MGMT: variants seen among roughly 807,000 people sequenced by gnomAD.
The protein encoded by MGMT is O-6-methylguanine-DNA methyltransferase, also known as methylated-DNA--protein-cysteine methyltransferase.
MGMT carries 14 observed loss-of-function variants against 15.9 expected under a neutral mutation model. The observed-to-expected ratio is 0.88, with a 90% CI of 0.58 to 1.37. The LOEUF is 1.37. Among genes scored for constraint, MGMT ranks in the 40% most tolerant of loss-of-function variants. MGMT has a pLI of 0.00. For missense variants in MGMT, 282 were observed against 268.1 expected (o/e 1.05, Z -0.36); for synonymous variants, 130 against 118.2 (o/e 1.10, Z -0.65).
intron 2 of MGMT, among the ~76,000 whole-genome samples, chr10:129,539,960 G>A (rs1846026593): frequency 6.6e-6 from 1 of 152,074 alleles, no homozygotes; most frequent in Admixed American, 6.5e-5. Flanking sequence ...ATTTCGACTG[G>A]GAGTTCATTG....
At chr10:129,706,230 G>A (rs527870200) in intron 2 of MGMT, among the ~76,000 whole-genome samples, 2 of 152,302 alleles carry the variant, frequency 1.3e-5, no homozygotes, top group African/African-American at 2.4e-5. Context: ...TCTGTCCTAC[G>A]TCCGGGATGG....
At chr10:129,487,316 A>G (rs1005707602) in intron 1 of MGMT, among the ~76,000 whole-genome samples, 7 of 152,102 alleles carry the variant, frequency 4.6e-5, no homozygotes, top group African/African-American at 1.4e-4. Context: ...GATTATCTGT[A>G]AAGGCCAAAC....
intron 3 of MGMT, among the ~76,000 whole-genome samples, chr10:129,727,729 A>G (rs1248791387): frequency 6.6e-6 from 1 of 152,162 alleles, no homozygotes; most frequent in South Asian, 2.1e-4. Flanking sequence ...GACTCGCAGC[A>G]TCCCCCAAGA....
rs1845950551 is a variant in MGMT at position 129,533,127 on chromosome 10, C to T, written c.-12-3114C>T. Among the ~76,000 whole-genome samples the T allele has an allele frequency of 6.6e-6, 1 of 152,246 alleles. No individual in the cohort carries two copies. The highest frequency in any genetic ancestry group is 2.4e-5 in the African/African-American group (1 of 41,464). On this transcript the variant is annotated intron_variant, in intron 1 of 4. Coordinates refer to ENST00000651593, the MANE Select transcript of MGMT (RefSeq NM_002412.5). This position sits in a 1 kb window ranked among gnomAD's most constrained non-coding sequence, Gnocchi z 4.5. ...GCAATGGTGGCAACAGTGCCAGCTG[C>T]CCTGCCTGCTGTGCCTGGTTGCCCC...
At chr10:129,648,970 G>A (rs1049235472) in intron 2 of MGMT, among the ~76,000 whole-genome samples, 3 of 152,068 alleles carry the variant, frequency 2.0e-5, no homozygotes, top group Non-Finnish European at 4.4e-5. Context: ...TGAGTACAAT[G>A]GAAAATGGCA....
chr10:129,515,137 A>G (rs959375872), intron 1 of MGMT, among the ~76,000 whole-genome samples: 1 of 149,974 alleles, frequency 6.7e-6, no homozygotes, highest in East Asian at 2.0e-4. Flanking sequence ...GGATTGAGAG[A>G]CGTGTGCTGA....
At chr10:129,573,591 CTATT>C (rs1564856665) in intron 2 of MGMT, among the ~76,000 whole-genome samples, 1 of 151,794 alleles carries the variant, frequency 6.6e-6, no homozygotes, top group African/African-American at 2.4e-5. Context: ...ATTTTCATCT[CTATT>C]TATTTATTTG....
intron 2 of MGMT, among the ~76,000 whole-genome samples, chr10:129,554,867 G>A (rs1041231355): frequency 1.3e-5 from 2 of 152,080 alleles, no homozygotes; most frequent in African/African-American, 2.4e-5. Flanking sequence ...TGGTGTGAAC[G>A]CTGTCTCCGG....
intron 2 of MGMT, among the ~76,000 whole-genome samples, chr10:129,573,101 C>A (rs1312144900): frequency 6.6e-6 from 1 of 151,968 alleles, no homozygotes; most frequent in Non-Finnish European, 1.5e-5. Flanking sequence ...GAACATTTTT[C>A]CTTATTTTCA....
intron 3 of MGMT, among the ~76,000 whole-genome samples, chr10:129,751,159 T>A (rs117568335): frequency 0.017 from 2,533 of 152,162 alleles, 36 homozygotes; most frequent in Non-Finnish European, 0.027. Context: ...GGTAAAACCA[T>A]CTTGGCCCTA....
At chr10:129,558,755 A>G (rs769084862) in intron 2 of MGMT, among the ~76,000 whole-genome samples, 3 of 152,290 alleles carry the variant, frequency 2.0e-5, no homozygotes, top group Non-Finnish European at 4.4e-5. Flanking sequence ...CACTTTTATC[A>G]TCTTCATTTT....
At chr10:129,706,433 A>G (rs562544648) in intron 2 of MGMT, among the ~76,000 whole-genome samples, 2 of 152,288 alleles carry the variant, frequency 1.3e-5, no homozygotes, top group Non-Finnish European at 2.9e-5. Context: ...ACGCCCCCCA[A>G]GGCAGCCCAG....
Position 129,527,501 on chromosome 10 carries a change from G to A in MGMT, c.-12-8740G>A, listed in dbSNP as rs906486080. ...TCCAGTGGGCTGCTTCAGGGAAGGC[G>A]GGCCGGGAATTCCTCTCTGTAAGAC... On this transcript the variant is annotated intron_variant, in intron 1 of 4. Transcript: ENST00000651593. 2.0e-5 allele frequency among the ~76,000 whole-genome samples: 3 copies of A among 152,162 alleles called. No individual in the cohort carries two copies. In the East Asian group the frequency reaches 5.8e-4, roughly 29 times the overall value.
At chr10:129,609,734 C>A (rs1391050986) in intron 2 of MGMT, among the ~76,000 whole-genome samples, 1 of 152,146 alleles carries the variant, frequency 6.6e-6, no homozygotes, top group African/African-American at 2.4e-5. Context: ...GGAAGCGCTT[C>A]CCTGAACACT....
At chr10:129,538,192 T>C (rs1846006385) in intron 2 of MGMT, among the ~76,000 whole-genome samples, 1 of 152,234 alleles carries the variant, frequency 6.6e-6, no homozygotes, top group Non-Finnish European at 1.5e-5. Context: ...ATTTCAAGTG[T>C]ACAATTCATT....
At chr10:129,555,239 G>C (rs771784702) in intron 2 of MGMT, among the ~76,000 whole-genome samples, 1 of 152,194 alleles carries the variant, frequency 6.6e-6, no homozygotes, top group Non-Finnish European at 1.5e-5. Flanking sequence ...CGCACTCCCA[G>C]GCTTGCTTCA....
chr10:129,559,908 A>G (rs937746314), intron 2 of MGMT, among the ~76,000 whole-genome samples: 2 of 152,216 alleles, frequency 1.3e-5, no homozygotes, highest in African/African-American at 2.4e-5. Flanking sequence ...AGAAATGGAC[A>G]AATGCAGGTG....
At chr10:129,743,652 G>T (rs1192931054) in intron 3 of MGMT, among the ~76,000 whole-genome samples, 1 of 152,262 alleles carries the variant, frequency 6.6e-6, no homozygotes, top group Non-Finnish European at 1.5e-5. Context: ...CCTTTGGGGA[G>T]ACTGTCTTCT....
At chr10:129,600,420 ATGTT>A (rs886556456) in intron 2 of MGMT, among the ~76,000 whole-genome samples, 13 of 152,214 alleles carry the variant, frequency 8.5e-5, no homozygotes, top group South Asian at 2.1e-4. Context: ...TTATAGGAGA[ATGTT>A]TGGGGAATGC....
Sources: allele counts gnomAD v4.1 joint callset (sites outside exome capture counted in the v4.1 genomes callset), GRCh38; gene constraint gnomAD v4.1.1; non-coding constraint Gnocchi (gnomAD v3.1); transcripts MANE v1.5; gene names NCBI Gene and HGNC (gene_info 2026-07-23, HGNC 2026-07-21).